CCDC6: variants seen among roughly 807,000 people sequenced by gnomAD.
CCDC6 encodes the protein coiled-coil domain containing 6, also known as coiled-coil domain-containing protein 6.
Under a neutral mutation model 56.6 loss-of-function variants are expected in CCDC6, and 20 were observed. The observed-to-expected ratio is 0.35, with a 90% CI of 0.25 to 0.51. The LOEUF (loss-of-function observed/expected upper bound fraction) is 0.51, where lower values mean the gene tolerates loss of function less well. Ranked by LOEUF, CCDC6 falls within the 20% of genes least tolerant of loss-of-function variation. The pLI, the probability that CCDC6 is intolerant of heterozygous loss-of-function variation, is 0.95. For missense variants in CCDC6, 367 were observed against 601.1 expected, an observed-to-expected ratio of 0.61 and a Z score of 4.07; for synonymous variants, 241 against 234.4, an observed-to-expected ratio of 1.03 and a Z score of -0.26.
At chr10:59,799,504 A>G (rs947548522) in intron 7 of CCDC6, among the ~76,000 whole-genome samples, 7 of 152,232 alleles carry the variant, frequency 4.6e-5, no homozygotes, top group African/African-American at 7.2e-5. Context: ...GCTGCAGGTC[A>G]GTGGTTCTCA....
intron 1 of CCDC6, among the ~76,000 whole-genome samples, chr10:59,889,112 T>C (rs763960862): frequency 2.6e-5 from 4 of 152,204 alleles, no homozygotes; most frequent in South Asian, 2.1e-4. Context: ...TTTAGGGCTA[T>C]TGAGGCATCC....
chr10:59,796,840 G>A (rs560843269), intron 7 of CCDC6, among the ~76,000 whole-genome samples: 4 of 152,082 alleles, frequency 2.6e-5, no homozygotes, highest in South Asian at 2.1e-4. Context: ...GCATGGTGGC[G>A]GGTGCCTGTA....
chr10:59,825,916 T>A (rs2070784174), intron 3 of CCDC6, among the ~76,000 whole-genome samples: 1 of 152,202 alleles, frequency 6.6e-6, no homozygotes, highest in South Asian at 2.1e-4. Context: ...GTCCTGAGGA[T>A]TCAAATTCAT....
intron 1 of CCDC6, among the ~76,000 whole-genome samples, chr10:59,864,648 T>C (rs2071162059): frequency 6.6e-6 from 1 of 152,104 alleles, no homozygotes; most frequent in Admixed American, 6.5e-5. Context: ...ACAACAACAA[T>C]GTACTGTCAT....
chr10:59,867,172 T>C (rs1300532611), intron 1 of CCDC6, among the ~76,000 whole-genome samples: 3 of 152,168 alleles, frequency 2.0e-5, no homozygotes, highest in Non-Finnish European at 4.4e-5. Flanking sequence ...TGTTCTGAGA[T>C]AGGGAATTTG....
intron 3 of CCDC6, among the ~76,000 whole-genome samples, chr10:59,818,933 G>C (rs188250604): frequency 1.3e-5 from 2 of 152,152 alleles, no homozygotes; most frequent in Non-Finnish European, 2.9e-5. Flanking sequence ...GGGAGGAGGT[G>C]CTCCTTACAA....
chr10:59,874,483 C>A (rs2071261066), intron 1 of CCDC6, among the ~76,000 whole-genome samples: 1 of 152,112 alleles, frequency 6.6e-6, no homozygotes, highest in African/African-American at 2.4e-5. Context: ...ATGCAAACAA[C>A]CAATTCACTA....
At chr10:59,867,776 C>G (rs1280586007) in intron 1 of CCDC6, among the ~76,000 whole-genome samples, 1 of 152,048 alleles carries the variant, frequency 6.6e-6, no homozygotes, top group Non-Finnish European at 1.5e-5. Flanking sequence ...CCATGTTGCC[C>G]AGGCTGGTCT....
intron 7 of CCDC6, among the ~76,000 whole-genome samples, chr10:59,798,319 A>G (rs1027736837): frequency 1.3e-5 from 2 of 152,214 alleles, no homozygotes; most frequent in African/African-American, 4.8e-5. Context: ...ATGCTCTTCC[A>G]TCTGTCTTTT....
intron 3 of CCDC6, among the ~76,000 whole-genome samples, chr10:59,820,343 C>T (rs2132636337): frequency 6.6e-6 from 1 of 152,278 alleles, no homozygotes; most frequent in East Asian, 1.9e-4. Context: ...TTTCAATCTG[C>T]TTTGAAAGGT....
chr10:59,825,742 C>T (rs1406508387), intron 3 of CCDC6, among the ~76,000 whole-genome samples: 1 of 152,208 alleles, frequency 6.6e-6, no homozygotes, highest in Non-Finnish European at 1.5e-5. Flanking sequence ...ACAACCAAGG[C>T]AGAAAGGCCA....
intron 3 of CCDC6, among the ~76,000 whole-genome samples, chr10:59,821,710 C>T (rs10821606): frequency 0.53 from 80,909 of 151,836 alleles, 22,898 homozygotes; most frequent in African/African-American, 0.73. Context: ...GTGGTCACTT[C>T]CTAGACTAGA....
chr10:59,801,885 T>A (rs72817913), intron 7 of CCDC6, among the ~76,000 whole-genome samples: 1 of 152,318 alleles, frequency 6.6e-6, no homozygotes, highest in Non-Finnish European at 1.5e-5. Context: ...TTGTTTACTC[T>A]TTTGCACTAC....
intron 1 of CCDC6, among the ~76,000 whole-genome samples, chr10:59,900,920 T>C (rs1247754192): frequency 6.6e-6 from 1 of 152,100 alleles, no homozygotes; most frequent in African/African-American, 2.4e-5. Context: ...TAGGTGGGCA[T>C]GGTGGCGCAT....
intron 7 of CCDC6, 74 bp from the exon 8 acceptor site, chr10:59,794,671 A>AAATCGCAGT (rs2070497957): frequency 1.5e-6 from 2 of 1,340,924 alleles, no homozygotes; most frequent in Non-Finnish European, 2.1e-6. Flanking sequence ...AGGAGGTTTT[A>AAATCGCAGT]AATCGCAGTA....
intron 3 of CCDC6, among the ~76,000 whole-genome samples, chr10:59,818,098 T>C (rs1300295002): frequency 6.6e-6 from 1 of 151,968 alleles, no homozygotes; most frequent in Non-Finnish European, 1.5e-5. Flanking sequence ...GAAACATGGA[T>C]TTAGGGCAAA....
At chr10:59,806,105 C>T (rs1203450388) in intron 6 of CCDC6, among the ~76,000 whole-genome samples, 2 of 152,158 alleles carry the variant, frequency 1.3e-5, no homozygotes, top group Non-Finnish European at 2.9e-5. Flanking sequence ...GCCAGGGCAT[C>T]GCTGATCCAG....
chr10:59,791,551 T>G lies in CCDC6; in HGVS notation c.*1366A>C. 5.1e-6 allele frequency: 1 copy of G among 196,200 alleles called. No individual in the cohort carries two copies. Among genetic ancestry groups the G allele is most frequent in the East Asian group, 8.1e-5 (1 of 12,372 alleles). 12.2% of individuals were successfully genotyped at this position (196,200 alleles called of 1,614,324 possible). A position where few individuals can be genotyped will look rare whatever the true frequency, so the allele number is the denominator to read the frequency against. ...TTAAAAATTACTGATAAATTACTTT[T>G]CAGTTCTCTGATTATATCCAACAGA... On this transcript the variant is annotated 3_prime_UTR_variant, in exon 9 of 9. Coordinates refer to ENST00000263102, the MANE Select transcript of CCDC6 (RefSeq NM_005436.5).
intron 1 of CCDC6, among the ~76,000 whole-genome samples, chr10:59,904,178 T>C (rs193078903): frequency 3.6e-3 from 243 of 66,916 alleles, no homozygotes; most frequent in Non-Finnish European, 7.7e-3. Context: ...GTATATTCGG[T>C]TGGATGTCAG....
Sources: gnomAD v4.1 joint callset for allele counts (sites outside exome capture counted in the v4.1 genomes callset) on GRCh38, gnomAD v4.1.1 for gene constraint, MANE v1.5 for transcripts, NCBI Gene and HGNC (gene_info 2026-07-23, HGNC 2026-07-21) for gene names.